CHST8: variants seen among roughly 807,000 people sequenced by gnomAD.
CHST8 encodes carbohydrate sulfotransferase 8, also known as GALNAC-4-ST1.
Under a neutral mutation model 15.0 loss-of-function variants are expected in CHST8, and 10 were observed. That is an observed-to-expected ratio of 0.67 (90% CI 0.41 to 1.13). The LOEUF is 1.13. Among genes scored for constraint, CHST8 ranks in the 50% most tolerant of loss-of-function variants. CHST8 has a pLI of 0.00. For synonymous variants in CHST8, 259 were observed against 256.6 expected, an observed-to-expected ratio of 1.01 and a Z score of -0.09; for missense variants, 634 against 608.2, an observed-to-expected ratio of 1.04 and a Z score of -0.45.
intron 3 of CHST8, among the ~76,000 whole-genome samples, chr19:33,731,463 C>T (rs1008349118): frequency 5.9e-5 from 9 of 152,150 alleles, no homozygotes; most frequent in East Asian, 1.9e-4. Flanking sequence ...TTATAATTAG[C>T]GTATAATAAG....
intron 3 of CHST8, among the ~76,000 whole-genome samples, chr19:33,765,704 G>A (rs1974826195): frequency 6.6e-6 from 1 of 152,052 alleles, no homozygotes; most frequent in Non-Finnish European, 1.5e-5. Context: ...TGGGATTACA[G>A]GCACACACCA....
chr19:33,641,181 C>A (rs1210966962), intron 1 of CHST8, among the ~76,000 whole-genome samples: 1 of 152,200 alleles, frequency 6.6e-6, no homozygotes, highest in African/African-American at 2.4e-5. Context: ...TCCCTACAAA[C>A]CTGTCTGCAC....
At chr19:33,656,865 G>A (rs1034362872) in intron 1 of CHST8, among the ~76,000 whole-genome samples, 12 of 151,898 alleles carry the variant, frequency 7.9e-5, no homozygotes, top group Non-Finnish European at 1.2e-4. Flanking sequence ...GTGAAACAAC[G>A]TTTATCTATT....
At chr19:33,765,070 A>ATATATATATATATATATGTATGTATG (rs71181381) in intron 3 of CHST8, among the ~76,000 whole-genome samples, 2 of 113,156 alleles carry the variant, frequency 1.8e-5, no homozygotes, top group African/African-American at 4.2e-5. Flanking sequence ...ATATATATAT[A>ATATATATATATATATATGTATGTATG]TATCAGAGTT....
At chr19:33,650,581 G>A (rs1041976102) in intron 1 of CHST8, among the ~76,000 whole-genome samples, 1 of 124,160 alleles carries the variant, frequency 8.1e-6, no homozygotes, top group Non-Finnish European at 1.6e-5. Flanking sequence ...GTCCAGGCTG[G>A]AGTATAGTGG....
At chr19:33,663,121 C>T (rs923648966) in intron 1 of CHST8, among the ~76,000 whole-genome samples, 2 of 152,122 alleles carry the variant, frequency 1.3e-5, no homozygotes, top group Admixed American at 1.3e-4. Flanking sequence ...GTGGCCGGAG[C>T]CTGCCGTCCA....
At position 33,728,720 on chromosome 19, in the gene CHST8, G is replaced by A. The variant is rs537638330; in HGVS notation, c.130+39329G>A. Among the ~76,000 whole-genome samples, 8 of 152,316 alleles carry A rather than the reference G, an allele frequency of 5.3e-5. No individual in the cohort carries two copies. The South Asian group carries it at 1.7e-3, about 32-fold the overall frequency. On this transcript the variant is annotated intron_variant, in intron 3 of 4. Coordinates refer to ENST00000650847, the MANE Select transcript of CHST8 (RefSeq NM_001127895.2). ...CTCAGAGTACAGGTGCTTAGGAGGG[G>A]GAGGTGCAGGGGAGCCCAGGCCAGG...
chr19:33,627,724 CT>C (rs1481990127), intron 1 of CHST8, among the ~76,000 whole-genome samples: 1 of 152,158 alleles, frequency 6.6e-6, no homozygotes, highest in Non-Finnish European at 1.5e-5. Context: ...CCAAATGATT[CT>C]CAGTCCCACA....
intron 1 of CHST8, among the ~76,000 whole-genome samples, chr19:33,660,927 C>T (rs1448528574): frequency 6.6e-6 from 1 of 152,142 alleles, no homozygotes; most frequent in African/African-American, 2.4e-5. Context: ...AAGACCCTCC[C>T]AGGCTAGGCC....
At chr19:33,622,330 C>G (rs1359009941) in intron 1 of CHST8, 34 bp downstream of exon 1, 1 of 152,156 alleles carries the variant, frequency 6.6e-6, no homozygotes, top group South Asian at 2.1e-4. Context: ...ACCCCTGTTC[C>G]CGCCCTGCGC....
intron 3 of CHST8, among the ~76,000 whole-genome samples, chr19:33,706,025 A>G (rs1163286056): frequency 6.6e-6 from 1 of 152,196 alleles, no homozygotes; most frequent in Non-Finnish European, 1.5e-5. Context: ...TATAGATGAA[A>G]AAACTGAAGC....
At chr19:33,740,922 A>T (rs17325700) in intron 3 of CHST8, among the ~76,000 whole-genome samples, 13,077 of 152,166 alleles carry the variant, frequency 0.086, 648 homozygotes, top group Admixed American at 0.11. Context: ...CACACCTTAC[A>T]TTCCCCGGGT....
chr19:33,652,801 C>T (rs976617016), intron 1 of CHST8, among the ~76,000 whole-genome samples: 2 of 151,982 alleles, frequency 1.3e-5, no homozygotes, highest in East Asian at 1.9e-4. Flanking sequence ...TGTTTTAGTC[C>T]GTCTGCTGGT....
chr19:33,675,209 C>G (rs1312524820), intron 2 of CHST8, among the ~76,000 whole-genome samples: 1 of 152,106 alleles, frequency 6.6e-6, no homozygotes. Flanking sequence ...CAGGCCTGCA[C>G]CACCCCCAGC....
chr19:33,644,918 T>C (rs544673004), intron 1 of CHST8, among the ~76,000 whole-genome samples: 1 of 152,030 alleles, frequency 6.6e-6, no homozygotes, highest in Non-Finnish European at 1.5e-5. Flanking sequence ...ACCATACAGA[T>C]GGTCTAGGCC....
intron 2 of CHST8, among the ~76,000 whole-genome samples, chr19:33,671,220 G>A (rs929906999): frequency 6.6e-5 from 10 of 152,114 alleles, no homozygotes; most frequent in African/African-American, 2.4e-4. Context: ...ATCAACACAC[G>A]TTGATATCAC....
chr19:33,689,938 G>C (rs1486982903), intron 3 of CHST8, among the ~76,000 whole-genome samples: 1 of 152,204 alleles, frequency 6.6e-6, no homozygotes, highest in Non-Finnish European at 1.5e-5. Context: ...GTCACAGAGG[G>C]CTGCTGGGAA....
rs912622941 is a variant in CHST8, at chr19:33,762,197, C to T, written c.131-9216C>T. Among the ~76,000 whole-genome samples the T allele has an allele frequency of 7.9e-5, 12 of 152,276 alleles. No homozygotes were observed. In the South Asian group the frequency reaches 8.3e-4, roughly 11 times the overall value. ...TGTAGAGGTCACTGCAGGCTCTGAC[C>T]GAGGGATGCTGAGAAGCAGGAGCTG... On this transcript the variant is annotated intron_variant, in intron 3 of 4. Transcript: ENST00000650847.
chr19:33,737,287 A>C (rs1350715635), intron 3 of CHST8, among the ~76,000 whole-genome samples: 1 of 152,006 alleles, frequency 6.6e-6, no homozygotes, highest in Non-Finnish European at 1.5e-5. Flanking sequence ...CTGTCAGCTC[A>C]CTCTTGAATT....
Sources: gnomAD v4.1 joint callset for allele counts (sites outside exome capture counted in the v4.1 genomes callset) on GRCh38, gnomAD v4.1.1 for gene constraint, MANE v1.5 for transcripts, NCBI Gene and HGNC (gene_info 2026-07-23, HGNC 2026-07-21) for gene names.